VPS53: variants seen among roughly 807,000 people sequenced by gnomAD.
VPS53 encodes the protein vacuolar protein sorting-associated protein 53 homolog.
Under a neutral mutation model 107.0 loss-of-function variants are expected in VPS53, and 70 were observed. That is an observed-to-expected ratio of 0.65 (90% CI 0.54 to 0.80). The LOEUF is 0.80. Ranked by LOEUF, VPS53 falls within the 30% of genes least tolerant of loss-of-function variation. The pLI is 0.00. For missense variants in VPS53, 917 were observed against 1,049.4 expected, an observed-to-expected ratio of 0.87 and a Z score of 1.74; for synonymous variants, 409 against 393.3, an observed-to-expected ratio of 1.04 and a Z score of -0.47.
intron 12 of VPS53, among the ~76,000 whole-genome samples, chr17:589,926 A>T (rs1156660501): frequency 1.3e-5 from 2 of 152,008 alleles, no homozygotes; most frequent in African/African-American, 4.8e-5. Context: ...AGTCATTGGT[A>T]GCTTGATGGG....
intron 13 of VPS53, among the ~76,000 whole-genome samples, chr17:566,512 C>A (rs1271992859): frequency 6.6e-6 from 1 of 152,156 alleles, no homozygotes; most frequent in Non-Finnish European, 1.5e-5. Context: ...CATGCTAGTG[C>A]TCGATACATA....
At chr17:657,276 T>A (rs553173914) in intron 5 of VPS53, 221 of 866,214 alleles carry the variant, frequency 2.6e-4, no homozygotes, top group Non-Finnish European at 3.6e-4. Context: ...ACGGATCAGA[T>A]GGAAATTCTC....
intron 17 of VPS53, among the ~76,000 whole-genome samples, chr17:539,661 T>C (rs990512903): frequency 2.0e-5 from 3 of 152,284 alleles, no homozygotes; most frequent in Non-Finnish European, 4.4e-5. Context: ...ATTGTACCAC[T>C]GCACTCCAGC....
intron 12 of VPS53, among the ~76,000 whole-genome samples, chr17:593,661 C>A (rs1410247467): frequency 1.6e-4 from 25 of 152,144 alleles, no homozygotes; most frequent in African/African-American, 3.4e-4. Context: ...AGGAAACAAC[C>A]GGTGCTGGAG....
chr17:567,020 C>G (rs1161935202), intron 13 of VPS53, among the ~76,000 whole-genome samples: 1 of 152,142 alleles, frequency 6.6e-6, no homozygotes, highest in Non-Finnish European at 1.5e-5. Flanking sequence ...GCTGGGATTA[C>G]AGGCGTGAGC....
intron 7 of VPS53, among the ~76,000 whole-genome samples, chr17:652,148 C>T (rs1179294831): frequency 1.3e-5 from 2 of 152,130 alleles, no homozygotes; most frequent in South Asian, 2.1e-4. Flanking sequence ...GCACCTGCCA[C>T]CATGTCCAGA....
chr17:672,175 A>ATCTCTCTCTC (rs10539620), intron 4 of VPS53, among the ~76,000 whole-genome samples: 4,006 of 106,992 alleles, frequency 0.037, 198 homozygotes, highest in Non-Finnish European at 0.051. Context: ...CACAATCTCA[A>ATCTCTCTCTC]TCTCTCTCTC....
intron 17 of VPS53, among the ~76,000 whole-genome samples, chr17:548,450 C>T (rs1193958811): frequency 1.1e-4 from 17 of 148,078 alleles, no homozygotes; most frequent in Admixed American, 1.1e-3. Context: ...AACGACTACA[C>T]TCCACTTTGG....
chr17:698,250 C>G (rs933390283), intron 3 of VPS53, among the ~76,000 whole-genome samples: 8 of 151,866 alleles, frequency 5.3e-5, no homozygotes, highest in African/African-American at 1.9e-4. Context: ...CTGGCCAACA[C>G]AGTGTAACCC....
chr17:515,248 T>C lies in VPS53; in HGVS notation c.*3880A>G, dbSNP rs933334527. 3 of 152,114 alleles carry C rather than the reference T, an allele frequency of 2.0e-5. No individual in the cohort carries two copies. The highest frequency in any genetic ancestry group is 7.2e-5 in the African/African-American group (3 of 41,402). The allele number at this position is 152,114 out of a possible 1,614,324, so 9.4% of individuals were successfully genotyped here. A position where few individuals can be genotyped will look rare whatever the true frequency, so the allele number is the denominator to read the frequency against. On this transcript the variant is annotated 3_prime_UTR_variant, in exon 22 of 22. Coordinates refer to ENST00000437048, the MANE Select transcript of VPS53 (RefSeq NM_001128159.3). Reference sequence around the variant, plus strand: ...ACAGGTACTCCTTTTACCTTATTATTTTTTAGAGAGTCTTGCTCCGTCACC... The same window carrying C: ...ACAGGTACTCCTTTTACCTTATTATCTTTTAGAGAGTCTTGCTCCGTCACC...
rs200325088 is a variant in VPS53 at position 680,019 on chromosome 17, C to T, written c.285+17399G>A. On this transcript the variant is annotated intron_variant, in intron 4 of 21. Transcript: ENST00000437048. ...AAAAATTTAGCTGGGCATGGCTGGGCGCGGTGGCTCACGCCTGTAATCCCA... is the reference window on the plus strand; with the variant it reads ...AAAAATTTAGCTGGGCATGGCTGGGTGCGGTGGCTCACGCCTGTAATCCCA... Among the ~76,000 whole-genome samples the T allele has an allele frequency of 1.1e-4, 17 of 152,106 alleles. No homozygotes were observed. The East Asian group carries it at 2.5e-3, about 22-fold the overall frequency.
chr17:512,836 C>CA lies in VPS53; in HGVS notation c.*6291dup, dbSNP rs1277660584. 6.6e-6 allele frequency: 1 copy of CA among 151,176 alleles called. No homozygotes were observed. The highest frequency in any genetic ancestry group is 1.9e-4 in the East Asian group (1 of 5,146). 9.4% of individuals were successfully genotyped at this position (151,176 alleles called of 1,614,324 possible). A position where few individuals can be genotyped will look rare whatever the true frequency, so the allele number is the denominator to read the frequency against. On this transcript the variant is annotated 3_prime_UTR_variant, in exon 22 of 22. Transcript: ENST00000437048. ...AAGACTTCCCAAAGAGTTTTCATGG[C>CA]AAAACGTCCATCCAGCTACTAAGGA...
chr17:661,540 C>T (rs1971439165), intron 5 of VPS53, among the ~76,000 whole-genome samples: 1 of 138,112 alleles, frequency 7.2e-6, no homozygotes, highest in South Asian at 2.5e-4. Flanking sequence ...AAAAAAAATA[C>T]CCAAAAAACA....
intron 4 of VPS53, among the ~76,000 whole-genome samples, chr17:664,025 A>C (rs974533083): frequency 1.3e-5 from 2 of 152,214 alleles, no homozygotes; most frequent in African/African-American, 4.8e-5. Context: ...GAAAGGGCAC[A>C]CAAATCGGGA....
chr17:630,250 C>T (rs942252006), intron 8 of VPS53, among the ~76,000 whole-genome samples: 1 of 151,860 alleles, frequency 6.6e-6, no homozygotes, highest in African/African-American at 2.4e-5. Flanking sequence ...TGAGATCACA[C>T]CATTGCACTC....
At chr17:552,020 C>T in intron 16 of VPS53, 70 bp from the exon 17 acceptor site, 2 of 1,394,930 alleles carry the variant, frequency 1.4e-6, no homozygotes, top group South Asian at 1.3e-5. Context: ...ACACTCAGGC[C>T]CCTGTGTAAA....
chr17:523,917 T>C (rs1908931676), intron 19 of VPS53, among the ~76,000 whole-genome samples: 1 of 152,174 alleles, frequency 6.6e-6, no homozygotes, highest in Admixed American at 6.5e-5. Context: ...CCAGTGGAAA[T>C]GACTGCTGCT....
intron 7 of VPS53, among the ~76,000 whole-genome samples, chr17:633,118 A>C (rs1488629029): frequency 6.6e-6 from 1 of 152,214 alleles, no homozygotes; most frequent in Non-Finnish European, 1.5e-5. Context: ...CAAGGGCAGA[A>C]AGGAGAAGCG....
intron 4 of VPS53, among the ~76,000 whole-genome samples, chr17:670,198 TGGTGAACTGGGC>T: frequency 4.1e-4 from 1 of 2,442 alleles, no homozygotes; most frequent in Non-Finnish European, 2.1e-3. Flanking sequence ...AACTGGGCAC[TGGTGAACTGGGC>T]ACTGGTGAAC....
Sources: gnomAD v4.1 joint callset for allele counts (sites outside exome capture counted in the v4.1 genomes callset) on GRCh38, gnomAD v4.1.1 for gene constraint, MANE v1.5 for transcripts, NCBI Gene and HGNC (gene_info 2026-07-23, HGNC 2026-07-21) for gene names.